Variants in BACH2 observed in about 807,000 individuals in gnomAD.
BACH2 encodes BACH transcriptional regulator 2, also known as transcription regulator protein BACH2.
In BACH2, 5 loss-of-function variants were observed where a neutral mutation model predicts 61.8. That is an observed-to-expected ratio of 0.08 (90% CI 0.04 to 0.17). The LOEUF (loss-of-function observed/expected upper bound fraction) is 0.17, where lower values mean the gene tolerates loss of function less well. Ranked by LOEUF, BACH2 falls within the 10% of genes least tolerant of loss-of-function variation. BACH2 has a pLI of 1.00. For missense variants in BACH2, 824 were observed against 1,091.1 expected (o/e 0.76, Z 3.45); for synonymous variants, 446 against 440.1 (o/e 1.01, Z -0.17).
chr6:89,971,567 T>TGTAA (rs1026105914), intron 6 of BACH2, among the ~76,000 whole-genome samples: 1 of 152,110 alleles, frequency 6.6e-6, no homozygotes, highest in African/African-American at 2.4e-5. Context: ...TTACAGGGTG[T>TGTAA]GTAAGTCCAT....
chr6:90,144,720 T>C (rs145462431), intron 4 of BACH2, among the ~76,000 whole-genome samples: 18 of 152,302 alleles, frequency 1.2e-4, no homozygotes, highest in East Asian at 7.7e-4. Flanking sequence ...CAAACATAAA[T>C]AAATTCGTAA....
At chr6:90,028,162 C>G (rs1778734144) in intron 5 of BACH2, among the ~76,000 whole-genome samples, 1 of 152,224 alleles carries the variant, frequency 6.6e-6, no homozygotes, top group African/African-American at 2.4e-5. Flanking sequence ...GGCAACAGAT[C>G]TGAGACCTCC....
Position 89,932,379 on chromosome 6 carries a change from T to A in BACH2, c.*29A>T. 1 of 1,594,942 alleles carries A rather than the reference T, an allele frequency of 6.3e-7. No homozygotes were observed. Among genetic ancestry groups the A allele is most frequent in the Non-Finnish European group, 8.6e-7 (1 of 1,166,208 alleles). ...CTGAAGAACGCCTGGATGGGAGAGG[T>A]GTGCGGACTGGGAGGCAGAGCCGAG... is the stretch of plus-strand genomic sequence containing the variant. On this transcript the variant is annotated 3_prime_UTR_variant, in exon 9 of 9. Coordinates refer to ENST00000257749, the MANE Select transcript of BACH2 (RefSeq NM_021813.4).
Position 90,253,717 on chromosome 6 carries a change from A to G in BACH2, c.-352-1127T>C, listed in dbSNP as rs115834575. ...AAATAATGATGTCAAAGCATTTTTA[A>G]TATACCTCGTGGAAGAATCCAAGTG... On this transcript the variant is annotated intron_variant, in intron 2 of 8. Transcript: ENST00000257749. Among the ~76,000 whole-genome samples, 1,149 of 152,314 alleles carry G rather than the reference A, an allele frequency of 7.5e-3. 14 individuals are homozygous for G. The highest frequency in any genetic ancestry group is 0.026 in the African/African-American group (1,080 of 41,568).
At chr6:90,094,057 C>T (rs1411883550) in intron 4 of BACH2, among the ~76,000 whole-genome samples, 2 of 152,166 alleles carry the variant, frequency 1.3e-5, no homozygotes, top group Admixed American at 6.5e-5. Flanking sequence ...AGGTAACTAC[C>T]TCTTGCATAA....
chr6:90,241,006 C>T (rs771882583), intron 3 of BACH2, among the ~76,000 whole-genome samples: 7 of 151,504 alleles, frequency 4.6e-5, no homozygotes, highest in South Asian at 2.1e-4. Flanking sequence ...TGGTGGCGTG[C>T]GCCTGTAGTC....
chr6:90,205,702 C>T (rs899206170), intron 4 of BACH2, among the ~76,000 whole-genome samples: 2 of 152,166 alleles, frequency 1.3e-5, no homozygotes, highest in East Asian at 3.8e-4. Flanking sequence ...TGCCTTGCCC[C>T]ACCTTCCCTG....
intron 4 of BACH2, among the ~76,000 whole-genome samples, chr6:90,103,029 A>ATTTTTTTTTTTT (rs371386234): frequency 7.1e-4 from 15 of 21,160 alleles, no homozygotes; most frequent in South Asian, 2.5e-3. Flanking sequence ...ATATATATAT[A>ATTTTTTTTTTTT]TTTTTTTTTT....
At chr6:90,043,604 G>A (rs1779645462) in intron 5 of BACH2, among the ~76,000 whole-genome samples, 1 of 148,708 alleles carries the variant, frequency 6.7e-6, no homozygotes. Flanking sequence ...AACAAACTAA[G>A]ACACTCATCT....
intron 3 of BACH2, among the ~76,000 whole-genome samples, chr6:90,213,085 C>T (rs1345651858): frequency 6.6e-6 from 1 of 152,204 alleles, no homozygotes; most frequent in African/African-American, 2.4e-5. Context: ...GCCCACTTCC[C>T]TTGCCTAAGT....
intron 6 of BACH2, among the ~76,000 whole-genome samples, chr6:89,959,962 C>T (rs143554962): frequency 6.6e-6 from 1 of 152,080 alleles, no homozygotes; most frequent in Middle Eastern, 3.2e-3. Context: ...GTTTATCTTT[C>T]CTTTCTTGGC....
At chr6:90,283,395 A>C (rs1278186298) in intron 1 of BACH2, among the ~76,000 whole-genome samples, 1 of 147,594 alleles carries the variant, frequency 6.8e-6, no homozygotes, top group Admixed American at 6.7e-5. Flanking sequence ...TTCTTTTTTG[A>C]GATGGAGTTT....
rs72923945 is a variant in BACH2 at position 89,983,248 on chromosome 6, T to G, written c.243+25354A>C. Among the ~76,000 whole-genome samples the G allele has an allele frequency of 7.1e-3, 1,080 of 152,360 alleles. 9 individuals carry two copies. The highest frequency in any genetic ancestry group is 0.012 in the Non-Finnish European group (802 of 68,042). On this transcript the variant is annotated intron_variant, in intron 6 of 8. Coordinates refer to ENST00000257749, the MANE Select transcript of BACH2 (RefSeq NM_021813.4). ...GTTTTATAGTGCTTCTTTGTATTTA[T>G]TCATTCCATCATATTTATTGAGTAC...
At chr6:89,938,768 C>T (rs1437058538) in intron 7 of BACH2, among the ~76,000 whole-genome samples, 1 of 152,078 alleles carries the variant, frequency 6.6e-6, no homozygotes, top group Admixed American at 6.6e-5. Context: ...GAAGAGAGCC[C>T]CATGTATCCT....
intron 2 of BACH2, among the ~76,000 whole-genome samples, chr6:90,256,346 T>C (rs971598586): frequency 5.3e-5 from 8 of 152,220 alleles, no homozygotes; most frequent in African/African-American, 1.4e-4. Flanking sequence ...CTAATTTCTA[T>C]GCTAATTTCT....
intron 5 of BACH2, among the ~76,000 whole-genome samples, chr6:90,014,420 TTGTGTG>T (rs764203742): frequency 2.6e-5 from 2 of 76,822 alleles, no homozygotes; most frequent in Non-Finnish European, 4.5e-5. Flanking sequence ...TGGCATAAAA[TTGTGTG>T]TGTGTGTGTG....
chr6:90,140,589 C>A (rs1029820692), intron 4 of BACH2, among the ~76,000 whole-genome samples: 1 of 152,116 alleles, frequency 6.6e-6, no homozygotes, highest in East Asian at 1.9e-4. Flanking sequence ...TGGCTGAGCC[C>A]AGGTGGTAGC....
chr6:89,973,036 G>A (rs189130782), intron 6 of BACH2, among the ~76,000 whole-genome samples: 7 of 152,332 alleles, frequency 4.6e-5, no homozygotes, highest in East Asian at 1.9e-4. Flanking sequence ...GTTGCAGTGA[G>A]CTGAGATTGT....
intron 5 of BACH2, among the ~76,000 whole-genome samples, chr6:90,038,703 T>C (rs1181875495): frequency 6.6e-6 from 1 of 152,114 alleles, no homozygotes; most frequent in Non-Finnish European, 1.5e-5. Flanking sequence ...AGCAAAGATA[T>C]ATATATTTAT....
Sources: allele counts gnomAD v4.1 joint callset (sites outside exome capture counted in the v4.1 genomes callset), GRCh38; gene constraint gnomAD v4.1.1; transcripts MANE v1.5; gene names NCBI Gene and HGNC (gene_info 2026-07-23, HGNC 2026-07-21).